KCNN2: variants seen among roughly 807,000 people sequenced by gnomAD.
The protein encoded by KCNN2 is potassium calcium-activated channel subfamily N member 2, also known as small conductance calcium-activated potassium channel protein 2.
KCNN2 carries 24 observed loss-of-function variants against 55.5 expected under a neutral mutation model. That is an observed-to-expected ratio of 0.43 (90% CI 0.31 to 0.61). The LOEUF is 0.61. Among genes scored for constraint, KCNN2 ranks in the 20% least tolerant of loss-of-function variants. The probability of loss-of-function intolerance (pLI) is 0.08; values close to 1 mark genes in which losing one functional copy is unlikely to be tolerated. For missense variants in KCNN2, 754 were observed against 853.6 expected, an observed-to-expected ratio of 0.88 and a Z score of 1.45; for synonymous variants, 431 against 336.1, an observed-to-expected ratio of 1.28 and a Z score of -3.09.
intron 1 of KCNN2, among the ~76,000 whole-genome samples, chr5:114,097,913 T>TTA (rs2112564725): frequency 6.6e-6 from 1 of 152,284 alleles, no homozygotes; most frequent in Non-Finnish European, 1.5e-5. Flanking sequence ...CTGTGACAAA[T>TTA]TACCACAAAC....
intron 2 of KCNN2, among the ~76,000 whole-genome samples, chr5:114,354,849 T>G (rs1352469424): frequency 6.6e-6 from 1 of 152,168 alleles, no homozygotes; most frequent in Non-Finnish European, 1.5e-5. Flanking sequence ...TGTATATTGT[T>G]TTGTATGACC....
intron 3 of KCNN2, among the ~76,000 whole-genome samples, chr5:114,432,740 C>T (rs1001823311): frequency 1.8e-4 from 28 of 152,168 alleles, no homozygotes; most frequent in Non-Finnish European, 2.9e-4. Flanking sequence ...GCTGGAGTTC[C>T]GGGTGGGCGT....
chr5:114,272,372 T>G (rs1477754432), intron 2 of KCNN2, among the ~76,000 whole-genome samples: 1 of 120,286 alleles, frequency 8.3e-6, no homozygotes, highest in Non-Finnish European at 1.7e-5. Flanking sequence ...TACACACACA[T>G]ATGTATGTAC....
At chr5:114,304,997 T>A (rs185928473) in intron 2 of KCNN2, among the ~76,000 whole-genome samples, 166 of 152,346 alleles carry the variant, frequency 1.1e-3, no homozygotes, top group African/African-American at 3.9e-3. Flanking sequence ...TGATTTTTTT[T>A]AAGATTATAT....
At chr5:114,251,453 T>C (rs943545300) in intron 2 of KCNN2, among the ~76,000 whole-genome samples, 3 of 152,228 alleles carry the variant, frequency 2.0e-5, no homozygotes, top group Non-Finnish European at 4.4e-5. Flanking sequence ...CTACCTTCTT[T>C]GCAAAGTTGT....
At chr5:114,121,786 G>T (rs2112597663) in intron 1 of KCNN2, among the ~76,000 whole-genome samples, 1 of 152,262 alleles carries the variant, frequency 6.6e-6, no homozygotes, top group African/African-American at 2.4e-5. Context: ...AGGTATGTTG[G>T]ATAAGCGAGA....
Position 114,362,925 on chromosome 5 carries a change from T to G in KCNN2, c.786T>G (p.Ser262=), listed in dbSNP as rs775284370. ...GAGGTGGCGGCGCGTCCTCCCCGTCTGCAGCCGCTGCCGCCGCCGCCGCTG... is the reference window on the plus strand; with the variant it reads ...GAGGTGGCGGCGCGTCCTCCCCGTCGGCAGCCGCTGCCGCCGCCGCCGCTG... ...VGGGGGASSP[S]AAAAAAAAVS... is the part of the protein sequence containing the mutation. The change falls in exon 1 of 8, where the codon TCT becomes TCG. Residue 262 remains serine, a synonymous_variant. Transcript: ENST00000673685. The G allele has an allele frequency of 2.6e-6, 4 of 1,558,548 alleles. No individual in the cohort carries two copies. Among genetic ancestry groups the G allele is most frequent in the Non-Finnish European group, 3.4e-6 (4 of 1,163,364 alleles).
chr5:114,366,658 A>G (rs1415934158), intron 2 of KCNN2, among the ~76,000 whole-genome samples: 1 of 152,096 alleles, frequency 6.6e-6, no homozygotes, highest in Non-Finnish European at 1.5e-5. Context: ...AATGAAACCA[A>G]CTGCTCAGGC....
intron 3 of KCNN2, among the ~76,000 whole-genome samples, chr5:114,431,544 C>G (rs187432451): frequency 6.6e-6 from 1 of 151,920 alleles, no homozygotes; most frequent in East Asian, 1.9e-4. Flanking sequence ...TTTGATTTTT[C>G]TGATTTTCTC....
chr5:114,493,290 AG>A, intron 6 of KCNN2, 112 bp from the exon 7 acceptor site: 2 of 777,814 alleles, frequency 2.6e-6, no homozygotes, highest in South Asian at 2.8e-5. Context: ...CAAATGTTCA[AG>A]GCATTATCCA....
In KCNN2 at chr5:114,382,631, C is replaced by T. The variant is rs116394113; in HGVS notation, c.1218+18630C>T. Among the ~76,000 whole-genome samples the T allele has an allele frequency of 1.5e-3, 227 of 152,290 alleles. 1 individual carries two copies. The highest frequency in any genetic ancestry group is 5.0e-3 in the African/African-American group (208 of 41,550). Reference sequence around the variant, plus strand: ...GAGAAAGAATGCTAATGGAGAAAAGCCACCCAAGACAATACTACTTTTCCT... The same window carrying T: ...GAGAAAGAATGCTAATGGAGAAAAGTCACCCAAGACAATACTACTTTTCCT... On this transcript the variant is annotated intron_variant, in intron 2 of 7. Coordinates refer to ENST00000673685, the MANE Select transcript of KCNN2 (RefSeq NM_021614.4).
chr5:114,182,894 C>G (rs541229486), intron 1 of KCNN2, among the ~76,000 whole-genome samples: 1 of 152,120 alleles, frequency 6.6e-6, no homozygotes, highest in South Asian at 2.1e-4. Flanking sequence ...ACAATTTCAG[C>G]ACAATGTTGA....
At chr5:114,410,921 C>A (rs906907638) in intron 3 of KCNN2, among the ~76,000 whole-genome samples, 2 of 152,058 alleles carry the variant, frequency 1.3e-5, no homozygotes, top group African/African-American at 4.8e-5. Context: ...AATGACTTAA[C>A]AATAATTTGC....
At chr5:114,056,522 C>G in intron 1 of KCNN2, 1 of 397,998 alleles carries the variant, frequency 2.5e-6, no homozygotes. Flanking sequence ...ACTAAGGTGA[C>G]ATTGACTAGG....
intron 2 of KCNN2, among the ~76,000 whole-genome samples, chr5:114,229,939 C>A (rs1413909441): frequency 1.3e-5 from 2 of 152,096 alleles, no homozygotes. Flanking sequence ...AGCTGGAACA[C>A]ACGTAACAGA....
intron 2 of KCNN2, among the ~76,000 whole-genome samples, chr5:114,386,062 G>C (rs1384170883): frequency 6.6e-6 from 1 of 151,418 alleles, no homozygotes; most frequent in Non-Finnish European, 1.5e-5. Flanking sequence ...GGCACTTGTA[G>C]TCCCAGCTAC....
intron 3 of KCNN2, among the ~76,000 whole-genome samples, chr5:114,433,100 T>C (rs1759860400): frequency 6.6e-6 from 1 of 152,204 alleles, no homozygotes; most frequent in Non-Finnish European, 1.5e-5. Flanking sequence ...CAGCTCCACC[T>C]GCAGCCCCTG....
intron 3 of KCNN2, among the ~76,000 whole-genome samples, chr5:114,414,827 A>C (rs1282490342): frequency 6.6e-6 from 1 of 152,208 alleles, no homozygotes; most frequent in Non-Finnish European, 1.5e-5. Context: ...AACTTTATTG[A>C]GGTATAATTT....
chr5:114,143,497 A>G (rs1752332061), intron 1 of KCNN2, among the ~76,000 whole-genome samples: 2 of 152,120 alleles, frequency 1.3e-5, no homozygotes, highest in Admixed American at 1.3e-4. Flanking sequence ...GCCATGGCAA[A>G]ATGAGAGCGT....
Sources: gnomAD v4.1 joint callset for allele counts (sites outside exome capture counted in the v4.1 genomes callset) on GRCh38, gnomAD v4.1.1 for gene constraint, MANE v1.5 for transcripts, NCBI Gene and HGNC (gene_info 2026-07-23, HGNC 2026-07-21) for gene names.